The following CCDC171 variants were observed in gnomAD, a reference collection of about 807,000 sequenced individuals.
CCDC171 encodes the protein coiled-coil domain-containing protein 171.
In CCDC171, 177 loss-of-function variants were observed where a neutral mutation model predicts 168.2. The ratio of observed to expected loss-of-function variants is 1.05; its 90% CI spans 0.93 to 1.19. The LOEUF (loss-of-function observed/expected upper bound fraction) is 1.19. Ranked by LOEUF, CCDC171 falls within the 50% of genes most tolerant of loss-of-function variation. The pLI is 0.00. For synonymous variants in CCDC171, 687 were observed against 540.8 expected (o/e 1.27, Z -3.75); for missense variants, 1,991 against 1,539.0 (o/e 1.29, Z -4.91).
chr9:15,658,390 T>G (rs932742245), intron 8 of CCDC171, among the ~76,000 whole-genome samples: 1 of 152,000 alleles, frequency 6.6e-6, no homozygotes, highest in African/African-American at 2.4e-5. Context: ...GGAGGCTGGG[T>G]GAAGAGATGA....
the CCDC171 span, among the ~76,000 whole-genome samples, chr9:16,087,582 T>C: frequency 3.6e-5 from 5 of 140,760 alleles, no homozygotes; most frequent in African/African-American, 1.4e-4. Context: ...TTTTTTTTGC[T>C]TTCCATTTGC....
At chr9:15,996,433 T>C (rs1390466223) in intron 3 of CCDC171, among the ~76,000 whole-genome samples, 1 of 149,354 alleles carries the variant, frequency 6.7e-6, no homozygotes, top group Non-Finnish European at 1.5e-5. Flanking sequence ...TTTTTTTTTT[T>C]TTTTTTTTGC....
At chr9:15,859,670 T>C (rs1035479905) in intron 23 of CCDC171, among the ~76,000 whole-genome samples, 3 of 149,734 alleles carry the variant, frequency 2.0e-5, no homozygotes, top group Non-Finnish European at 4.4e-5. Flanking sequence ...TTGTTTTGTT[T>C]TTTTGAGACA....
rs190806374 is a variant in CCDC171 at position 15,792,491 on chromosome 9, T to G, written c.3267+7797T>G. 9.5e-3 allele frequency among the ~76,000 whole-genome samples: 1,450 copies of G among 152,112 alleles called. 25 individuals are homozygous for G. The highest frequency in any genetic ancestry group is 0.033 in the African/African-American group (1,385 of 41,482). On this transcript the variant is annotated intron_variant, in intron 21 of 25. Transcript: ENST00000380701. The stretch of plus-strand genomic sequence containing the variant: ...CAGAGAACGCCACAAAGATACTCCT[T>G]GAGAAGAGCTACTCCAAGACACATA...
At chr9:15,676,222 A>C (rs1267252601) in intron 9 of CCDC171, among the ~76,000 whole-genome samples, 1 of 152,142 alleles carries the variant, frequency 6.6e-6, no homozygotes, top group Non-Finnish European at 1.5e-5. Context: ...TTTCAGCTGC[A>C]TCAGGTCATT....
intron 21 of CCDC171, among the ~76,000 whole-genome samples, chr9:15,833,406 T>C (rs1194574809): frequency 6.6e-6 from 1 of 152,194 alleles, no homozygotes; most frequent in African/African-American, 2.4e-5. Context: ...CAAATATATG[T>C]AAACTATTTG....
At chr9:16,032,072 G>A (rs542534360) in intron 6 of CCDC171, among the ~76,000 whole-genome samples, 1 of 152,310 alleles carries the variant, frequency 6.6e-6, no homozygotes, top group African/African-American at 2.4e-5. Flanking sequence ...CCGAGGAAGG[G>A]AATGTTATGC....
At chr9:15,804,461 C>CT (rs2058980882) in intron 21 of CCDC171, among the ~76,000 whole-genome samples, 1 of 114,540 alleles carries the variant, frequency 8.7e-6, no homozygotes, top group Admixed American at 8.1e-5. Context: ...TTATCGAAGG[C>CT]CTTTTTTTTT....
intron 25 of CCDC171, among the ~76,000 whole-genome samples, chr9:15,956,368 G>T (rs182620614): frequency 1.3e-5 from 2 of 152,106 alleles, no homozygotes; most frequent in African/African-American, 4.8e-5. Flanking sequence ...AGGATACTTG[G>T]AATTGAAATC....
upstream of CCDC171, among the ~76,000 whole-genome samples, chr9:16,041,452 C>A (rs1369495660): frequency 2.0e-5 from 3 of 152,160 alleles, no homozygotes; most frequent in Non-Finnish European, 4.4e-5. Context: ...TGGGAATGTT[C>A]TGTAGAAGTC....
rs186772743 is a variant in CCDC171, at chr9:15,748,618, G to A, written c.2671+2987G>A. On this transcript the variant is annotated intron_variant, in intron 18 of 25. Transcript: ENST00000380701. ...AAGGGAAGCCCATCAGACTAACAGC[G>A]GATCTCTTAGCAGAAACCCTACAGC... 3.0e-4 allele frequency among the ~76,000 whole-genome samples: 45 copies of A among 152,280 alleles called. No individual in the cohort carries two copies. The East Asian group carries it at 4.4e-3, about 15-fold the overall frequency.
upstream of CCDC171, among the ~76,000 whole-genome samples, chr9:16,038,488 T>C (rs967789930): frequency 6.6e-6 from 1 of 152,154 alleles, no homozygotes; most frequent in Non-Finnish European, 1.5e-5. Flanking sequence ...TTTTGTACTT[T>C]TCAAAGTCAA....
chr9:16,007,268 T>C (rs575888969), intron 3 of CCDC171, among the ~76,000 whole-genome samples: 113 of 152,348 alleles, frequency 7.4e-4, no homozygotes, highest in African/African-American at 2.5e-3. Context: ...TGCCCACTTT[T>C]GGATGGGGTT....
intron 11 of CCDC171, among the ~76,000 whole-genome samples, chr9:15,710,310 T>A (rs2134011365): frequency 6.6e-6 from 1 of 152,216 alleles, no homozygotes; most frequent in South Asian, 2.1e-4. Context: ...TCTCTCTCTC[T>A]CTCTCTTTCT....
At chr9:15,813,149 G>A (rs2059427211) in intron 21 of CCDC171, among the ~76,000 whole-genome samples, 1 of 152,188 alleles carries the variant, frequency 6.6e-6, no homozygotes, top group Non-Finnish European at 1.5e-5. Context: ...GCTTGCTAGA[G>A]TGTGATTGAG....
chr9:15,851,224 C>T (rs540187272), intron 23 of CCDC171, among the ~76,000 whole-genome samples: 6 of 152,008 alleles, frequency 3.9e-5, no homozygotes, highest in Admixed American at 2.0e-4. Flanking sequence ...AACTATATTA[C>T]ACAGAACAGT....
chr9:15,891,973 T>A (rs1352830818), intron 24 of CCDC171, among the ~76,000 whole-genome samples: 2 of 152,144 alleles, frequency 1.3e-5, no homozygotes, highest in Non-Finnish European at 2.9e-5. Flanking sequence ...TAACCTTGTT[T>A]TGGACCTTTC....
At chr9:15,990,681 A>G (rs1014689179) in intron 3 of CCDC171, among the ~76,000 whole-genome samples, 1 of 152,220 alleles carries the variant, frequency 6.6e-6, no homozygotes, top group Non-Finnish European at 1.5e-5. Context: ...CAGGACACCC[A>G]TCTTACATGC....
chr9:15,892,871 TA>T (rs1820403427), intron 24 of CCDC171, among the ~76,000 whole-genome samples: 2 of 152,160 alleles, frequency 1.3e-5, no homozygotes, highest in Non-Finnish European at 2.9e-5. Context: ...CCAAATAATT[TA>T]TAGATTCAAT....
Sources: allele counts gnomAD v4.1 joint callset (sites outside exome capture counted in the v4.1 genomes callset), GRCh38; gene constraint gnomAD v4.1.1; transcripts MANE v1.5; gene names NCBI Gene and HGNC (gene_info 2026-07-23, HGNC 2026-07-21).